SRGAP3: variants seen among roughly 807,000 people sequenced by gnomAD.
The protein encoded by SRGAP3 is SLIT-ROBO Rho GTPase-activating protein 3.
SRGAP3 carries 39 observed loss-of-function variants against 121.1 expected under a neutral mutation model. That is an observed-to-expected ratio of 0.32 (90% CI 0.25 to 0.42). SRGAP3 has a LOEUF of 0.42. SRGAP3 is among the 10% of genes least tolerant of loss of function. SRGAP3 has a pLI of 1.00. For missense variants in SRGAP3, 1,213 were observed against 1,470.6 expected (o/e 0.82, Z 2.86); for synonymous variants, 601 against 570.0 (o/e 1.05, Z -0.77).
chr3:9,047,128 A>G (rs1374948412), intron 10 of SRGAP3, among the ~76,000 whole-genome samples: 1 of 152,032 alleles, frequency 6.6e-6, no homozygotes, highest in Non-Finnish European at 1.5e-5. Flanking sequence ...CACCGTGCCC[A>G]GCCTCTATTT....
At chr3:9,348,853 T>C in intron 1 of SRGAP3, 1 of 1,322,446 alleles carries the variant, frequency 7.6e-7, no homozygotes, top group Non-Finnish European at 1.1e-6. Context: ...TCAGTAAGGA[T>C]CGCAGGTTTG....
intron 1 of SRGAP3, among the ~76,000 whole-genome samples, chr3:9,130,460 T>C (rs78865302): frequency 0.018 from 2,693 of 152,228 alleles, 74 homozygotes; most frequent in African/African-American, 0.061. Context: ...ATGCAGTGAG[T>C]GCTACTAGTG....
chr3:9,201,839 CA>C lies in SRGAP3; in HGVS notation c.67+47045del, dbSNP rs1293150715. Among the ~76,000 whole-genome samples, 15 of 152,348 alleles carry C rather than the reference CA, an allele frequency of 9.8e-5. No individual in the cohort carries two copies. In the South Asian group the frequency reaches 3.1e-3, roughly 32 times the overall value. On this transcript the variant is annotated intron_variant, in intron 1 of 21. Transcript: ENST00000383836. The stretch of plus-strand genomic sequence containing the variant: ...AGAGAAAGGAAAGACACCAACATTT[CA>C]TGAAGACCTACTATGGGCCAGGCAA...
rs754460112 is a variant in SRGAP3, at chr3:8,990,794, G to A, written c.2604C>T (p.Ser868=). 18 of 1,588,534 alleles carry A rather than the reference G, an allele frequency of 1.1e-5. No individual in the cohort carries two copies. Among genetic ancestry groups the A allele is most frequent in the East Asian group, 2.3e-5 (1 of 44,422 alleles). ...SDGAAIPRRR[S]GGDTHSPPRG... ...GGGGCGGGCTGTGTGTGTCGCCCCC[G>A]CTTCGGCGTCTGGGGATGGCTGCTC... is the stretch of plus-strand genomic sequence containing the variant. The change falls in exon 21 of 22, where the codon AGC becomes AGT. Residue 868 remains serine, a synonymous_variant. Transcript: ENST00000383836.
chr3:9,171,311 G>C (rs1246963989), intron 1 of SRGAP3, among the ~76,000 whole-genome samples: 1 of 152,264 alleles, frequency 6.6e-6, no homozygotes, highest in East Asian at 1.9e-4. Context: ...CATGGGAAGA[G>C]GGTGAGGCTG....
intron 3 of SRGAP3, among the ~76,000 whole-genome samples, chr3:9,315,443 C>T (rs1258637532): frequency 6.6e-6 from 1 of 152,200 alleles, no homozygotes; most frequent in African/African-American, 2.4e-5. Flanking sequence ...GTCTTCCAGT[C>T]CTGGAGCTGT....
Position 9,109,777 on chromosome 3 carries a change from G to A in SRGAP3, c.261-4935C>T, listed in dbSNP as rs1446736475. On this transcript the variant is annotated intron_variant, in intron 2 of 21. Transcript: ENST00000383836. The surrounding 1 kb of genome is among the most constrained non-coding windows in gnomAD (Gnocchi z 4.4). ...CTGGAGGAAACGCTTTCTAGACTGA[G>A]AACTAAAAGCCGGACTGGAGTTTCA... Among the ~76,000 whole-genome samples, 1 of 152,168 alleles carries A rather than the reference G, an allele frequency of 6.6e-6. No homozygotes were observed. Among genetic ancestry groups the A allele is most frequent in the Non-Finnish European group, 1.5e-5 (1 of 68,020 alleles).
intron 1 of SRGAP3, among the ~76,000 whole-genome samples, chr3:9,132,862 T>C (rs1949506821): frequency 6.6e-6 from 1 of 151,866 alleles, no homozygotes; most frequent in South Asian, 2.1e-4. Context: ...TTTTTTAATA[T>C]TACATACACA....
At chr3:9,153,676 A>G (rs1950288788) in intron 1 of SRGAP3, among the ~76,000 whole-genome samples, 1 of 152,232 alleles carries the variant, frequency 6.6e-6, no homozygotes, top group Admixed American at 6.5e-5. Flanking sequence ...CATAATCAAA[A>G]TATACACATG....
intron 1 of SRGAP3, among the ~76,000 whole-genome samples, chr3:9,183,928 T>C (rs1174150635): frequency 6.6e-6 from 1 of 151,884 alleles, no homozygotes; most frequent in Non-Finnish European, 1.5e-5. Flanking sequence ...GTGGAGCCAG[T>C]TGTAGCAGCG....
intron 1 of SRGAP3, among the ~76,000 whole-genome samples, chr3:9,136,451 GTGGC>G (rs1432724604): frequency 6.9e-6 from 1 of 144,854 alleles, no homozygotes; most frequent in African/African-American, 2.6e-5. Context: ...AGCAGCCGGG[GTGGC>G]TGAAAGCGGG....
chr3:9,224,985 C>G (rs1952938144), intron 1 of SRGAP3, among the ~76,000 whole-genome samples: 2 of 152,164 alleles, frequency 1.3e-5, no homozygotes, highest in African/African-American at 4.8e-5. Flanking sequence ...AGGCAGGCCT[C>G]ACTCCCCTCA....
At chr3:9,165,021 C>T (rs1369428105) in intron 1 of SRGAP3, among the ~76,000 whole-genome samples, 2 of 152,372 alleles carry the variant, frequency 1.3e-5, no homozygotes, top group East Asian at 3.9e-4. Flanking sequence ...GGAGCCAGCA[C>T]CTGCCCTGTG....
intron 1 of SRGAP3, among the ~76,000 whole-genome samples, chr3:9,182,301 A>C (rs1046716516): frequency 1.3e-5 from 2 of 152,108 alleles, no homozygotes; most frequent in Non-Finnish European, 2.9e-5. Flanking sequence ...TGAGGTCATC[A>C]GGGCATGTCC....
At chr3:9,328,583 A>G (rs1441323678) in intron 2 of SRGAP3, among the ~76,000 whole-genome samples, 1 of 152,228 alleles carries the variant, frequency 6.6e-6, no homozygotes, top group Non-Finnish European at 1.5e-5. Context: ...GAACTTTACC[A>G]AAGGTAACCT....
At chr3:9,209,938 C>A (rs1303386056) in intron 1 of SRGAP3, among the ~76,000 whole-genome samples, 2 of 152,132 alleles carry the variant, frequency 1.3e-5, no homozygotes, top group Non-Finnish European at 2.9e-5. Flanking sequence ...TGTGCTATAT[C>A]CTAAAATGGA....
intron 18 of SRGAP3, 151 bp from the exon 19 acceptor site, chr3:8,994,674 A>C (rs1574865123): frequency 1.0e-6 from 1 of 976,180 alleles, no homozygotes; most frequent in South Asian, 1.4e-5. Flanking sequence ...GGGGCTCAGG[A>C]CCCTGGGGTC....
chr3:9,061,604 TCAGTGATCTCC>T (rs1038822205), intron 5 of SRGAP3, among the ~76,000 whole-genome samples: 9 of 152,336 alleles, frequency 5.9e-5, no homozygotes, highest in Non-Finnish European at 1.3e-4. Flanking sequence ...TTGTTGATTG[TCAGTGATCTCC>T]CATTAGAAAA....
Position 9,272,484 on chromosome 3 carries a change from C to G in SRGAP3, n.442+53526G>C, listed in dbSNP as rs1954495864. 1.3e-5 allele frequency among the ~76,000 whole-genome samples: 2 copies of G among 152,156 alleles called. 1 individual carries two copies. Among genetic ancestry groups the G allele is most frequent in the South Asian group, 4.1e-4 (2 of 4,834 alleles). Reference sequence around the variant, plus strand: ...ATTTGACTACTCTAGGTATTTCATACAAGTATGGAATCTTACAGTATTCGT... The same window carrying G: ...ATTTGACTACTCTAGGTATTTCATAGAAGTATGGAATCTTACAGTATTCGT... On this transcript the variant is annotated intron_variant and non_coding_transcript_variant, in intron 3 of 3. Coordinates refer to the SRGAP3 transcript ENST00000490889.
Sources: allele counts gnomAD v4.1 joint callset (sites outside exome capture counted in the v4.1 genomes callset), GRCh38; gene constraint gnomAD v4.1.1; non-coding constraint Gnocchi (gnomAD v3.1); transcripts MANE v1.5; gene names NCBI Gene and HGNC (gene_info 2026-07-23, HGNC 2026-07-21).